FHIT: variants seen among roughly 807,000 people sequenced by gnomAD.
FHIT encodes fragile histidine triad diadenosine triphosphatase, also known as bis(5'-adenosyl)-triphosphatase.
In FHIT, 19 loss-of-function variants were observed where a neutral mutation model predicts 17.9. The ratio of observed to expected loss-of-function variants is 1.06; its 90% CI spans 0.74 to 1.56. The LOEUF (loss-of-function observed/expected upper bound fraction) is 1.56. Ranked by LOEUF, FHIT falls within the 40% of genes most tolerant of loss-of-function variation. The probability of loss-of-function intolerance (pLI) is 0.00; values close to 1 mark genes in which losing one functional copy is unlikely to be tolerated. For missense variants in FHIT, 248 were observed against 189.2 expected (o/e 1.31, Z -1.82); for synonymous variants, 81 against 69.7 (o/e 1.16, Z -0.81).
intron 4 of FHIT, among the ~76,000 whole-genome samples, chr3:60,715,563 T>C (rs1577107535): frequency 7.2e-6 from 1 of 138,586 alleles, no homozygotes; most frequent in Non-Finnish European, 1.5e-5. Context: ...TAGATGGGAA[T>C]TGAACAATGA....
intron 2 of FHIT, among the ~76,000 whole-genome samples, chr3:61,109,110 A>G (rs1222619143): frequency 1.3e-5 from 2 of 152,220 alleles, no homozygotes; most frequent in African/African-American, 2.4e-5. Context: ...GGAATGGCTA[A>G]GAAGAAATGC....
At chr3:60,422,401 T>C (rs867213215) in intron 5 of FHIT, among the ~76,000 whole-genome samples, 49 of 152,204 alleles carry the variant, frequency 3.2e-4, no homozygotes, top group African/African-American at 1.0e-3. Context: ...AAACAGGGCA[T>C]AGACTTCAAT....
intron 8 of FHIT, among the ~76,000 whole-genome samples, chr3:59,901,176 TA>T (rs1321400192): frequency 1.3e-5 from 2 of 152,260 alleles, no homozygotes; most frequent in Admixed American, 1.3e-4. Flanking sequence ...GTGTCATGTT[TA>T]CTCTTCACTG....
chr3:61,144,024 G>C (rs1223109404), intron 2 of FHIT, among the ~76,000 whole-genome samples: 1 of 152,114 alleles, frequency 6.6e-6, no homozygotes, highest in Admixed American at 6.5e-5. Flanking sequence ...TATTGCCAAT[G>C]TGCTTTTTTA....
At chr3:59,780,920 T>A (rs530919234) in intron 8 of FHIT, among the ~76,000 whole-genome samples, 1 of 152,292 alleles carries the variant, frequency 6.6e-6, no homozygotes, top group East Asian at 1.9e-4. Flanking sequence ...TCAGAGAGGA[T>A]TAGAAGATAA....
chr3:61,152,953 C>T (rs2037436061), intron 2 of FHIT, among the ~76,000 whole-genome samples: 1 of 152,070 alleles, frequency 6.6e-6, no homozygotes, highest in Non-Finnish European at 1.5e-5. Flanking sequence ...ACCATCCTGG[C>T]TAACACGGTG....
intron 5 of FHIT, among the ~76,000 whole-genome samples, chr3:60,095,668 G>A (rs957167712): frequency 2.0e-5 from 3 of 152,160 alleles, no homozygotes; most frequent in Non-Finnish European, 2.9e-5. Context: ...CAATACAGAT[G>A]TTTTTCTAGA....
chr3:60,616,442 A>C (rs1377211625), intron 4 of FHIT, among the ~76,000 whole-genome samples: 1 of 152,184 alleles, frequency 6.6e-6, no homozygotes, highest in Non-Finnish European at 1.5e-5. Context: ...AAATTTTTTT[A>C]ATTATACAAG....
intron 4 of FHIT, among the ~76,000 whole-genome samples, chr3:60,696,584 G>C (rs1377718859): frequency 1.3e-5 from 2 of 152,108 alleles, no homozygotes; most frequent in Non-Finnish European, 2.9e-5. Flanking sequence ...GCATTAAGGC[G>C]ATAAAGGAGA....
chr3:60,637,679 G>A (rs782207029), intron 4 of FHIT, among the ~76,000 whole-genome samples: 4 of 152,126 alleles, frequency 2.6e-5, no homozygotes, highest in Non-Finnish European at 5.9e-5. Context: ...ACACTGAAGT[G>A]CAGAGAAGTA....
intron 2 of FHIT, among the ~76,000 whole-genome samples, chr3:61,074,935 T>A (rs2034925156): frequency 1.3e-5 from 2 of 152,164 alleles, no homozygotes; most frequent in Non-Finnish European, 2.9e-5. Context: ...AAGTTAAACG[T>A]TCTGTGTAAA....
chr3:60,239,321 T>C (rs991445165), intron 5 of FHIT, among the ~76,000 whole-genome samples: 1 of 152,076 alleles, frequency 6.6e-6, no homozygotes, highest in Non-Finnish European at 1.5e-5. Context: ...CTAACTTGAT[T>C]TGGAAGGCTA....
chr3:59,971,975 C>T (rs2366962), intron 7 of FHIT, among the ~76,000 whole-genome samples: 1 of 152,152 alleles, frequency 6.6e-6, no homozygotes, highest in Non-Finnish European at 1.5e-5. Context: ...GGTTCAACCC[C>T]TTCATGCTAG....
chr3:60,787,655 T>C (rs1553727340), intron 4 of FHIT, among the ~76,000 whole-genome samples: 1 of 152,204 alleles, frequency 6.6e-6, no homozygotes. Flanking sequence ...TCTGTGTTTG[T>C]GAATTTGCCC....
At chr3:60,756,745 A>G (rs1306837032) in intron 4 of FHIT, among the ~76,000 whole-genome samples, 1 of 152,242 alleles carries the variant, frequency 6.6e-6, no homozygotes, top group African/African-American at 2.4e-5. Flanking sequence ...GCTTTTATAG[A>G]GGAAGAAAAT....
At chr3:60,021,884 T>C (rs1057495659) in intron 5 of FHIT, among the ~76,000 whole-genome samples, 1 of 152,160 alleles carries the variant, frequency 6.6e-6, no homozygotes, top group African/African-American at 2.4e-5. Context: ...CTGTTATACA[T>C]TATACAGAAA....
At chr3:60,584,166 C>G (rs1447843662) in intron 4 of FHIT, among the ~76,000 whole-genome samples, 1 of 151,998 alleles carries the variant, frequency 6.6e-6, no homozygotes, top group Non-Finnish European at 1.5e-5. Flanking sequence ...CATAGAAGAA[C>G]TCATTATATT....
chr3:60,100,680 G>T (rs1349459568), intron 5 of FHIT, among the ~76,000 whole-genome samples: 1 of 152,050 alleles, frequency 6.6e-6, no homozygotes, highest in Non-Finnish European at 1.5e-5. Context: ...GGGGCTCGAG[G>T]ACAAAGTTTA....
At chr3:60,689,349 A>T (rs2040935288) in intron 4 of FHIT, among the ~76,000 whole-genome samples, 1 of 152,206 alleles carries the variant, frequency 6.6e-6, no homozygotes, top group Non-Finnish European at 1.5e-5. Flanking sequence ...ATCTATACTG[A>T]ATATGTACAG....
Sources: gnomAD v4.1 joint callset for allele counts (sites outside exome capture counted in the v4.1 genomes callset) on GRCh38, gnomAD v4.1.1 for gene constraint, MANE v1.5 for transcripts, NCBI Gene and HGNC (gene_info 2026-07-23, HGNC 2026-07-21) for gene names.